The following RBPJ variants were observed in gnomAD, a reference collection of about 807,000 sequenced individuals.
The protein encoded by RBPJ is recombination signal binding protein for immunoglobulin kappa J region.
A neutral mutation model predicts 67.8 loss-of-function variants in RBPJ; 9 were observed. The observed-to-expected ratio is 0.13, with a 90% CI of 0.08 to 0.23. The LOEUF (loss-of-function observed/expected upper bound fraction) is 0.23. Ranked by LOEUF, RBPJ falls within the 10% of genes least tolerant of loss-of-function variation. RBPJ has a pLI of 1.00. For synonymous variants in RBPJ, 198 were observed against 203.3 expected (o/e 0.97, Z 0.22); for missense variants, 305 against 595.6 (o/e 0.51, Z 5.08).
chr4:26,193,060 G>A (rs1717625121), intron 1 of RBPJ, among the ~76,000 whole-genome samples: 2 of 152,168 alleles, frequency 1.3e-5, no homozygotes, highest in Non-Finnish European at 2.9e-5. Context: ...CATGAGCCAA[G>A]GAATTCAGGT....
chr4:26,278,354 A>G (rs1422906463), intron 1 of RBPJ, among the ~76,000 whole-genome samples: 2 of 152,234 alleles, frequency 1.3e-5, no homozygotes, highest in Non-Finnish European at 2.9e-5. Context: ...TTTGAAAAAC[A>G]GATATATATG....
chr4:26,172,769 C>T (rs1054932535), intron 1 of RBPJ, among the ~76,000 whole-genome samples: 15 of 152,182 alleles, frequency 9.9e-5, no homozygotes, highest in African/African-American at 3.6e-4. Flanking sequence ...TAGATAATTA[C>T]AATGATTCCC....
At chr4:26,242,109 C>T (rs1375827825) in intron 1 of RBPJ, among the ~76,000 whole-genome samples, 2 of 152,166 alleles carry the variant, frequency 1.3e-5, no homozygotes. Context: ...ATTAAGGTCC[C>T]TACACGCTGC....
At chr4:26,293,276 T>C (rs1469380217) in intron 1 of RBPJ, among the ~76,000 whole-genome samples, 3 of 150,142 alleles carry the variant, frequency 2.0e-5, no homozygotes, top group African/African-American at 7.4e-5. Context: ...ACTCACCCCA[T>C]CTCTTGCATC....
chr4:26,214,507 A>AG (rs1560213665), intron 1 of RBPJ, among the ~76,000 whole-genome samples: 2 of 61,686 alleles, frequency 3.2e-5, no homozygotes, highest in African/African-American at 1.4e-4. Context: ...GAGGGAGGGA[A>AG]GGAGGAAGGG....
intron 5 of RBPJ, among the ~76,000 whole-genome samples, chr4:26,422,165 T>C (rs946310676): frequency 6.6e-6 from 1 of 152,078 alleles, no homozygotes; most frequent in South Asian, 2.1e-4. Context: ...TGGTAAGATA[T>C]ACATTTATTT....
upstream of RBPJ, among the ~76,000 whole-genome samples, chr4:26,318,127 A>ACG (rs202151610): frequency 8.6e-5 from 13 of 150,774 alleles, no homozygotes; most frequent in African/African-American, 2.9e-4. Flanking sequence ...ACACACACAC[A>ACG]CGCACACACA....
intron 1 of RBPJ, among the ~76,000 whole-genome samples, chr4:26,300,536 T>C (rs1403270810): frequency 6.6e-6 from 1 of 152,232 alleles, no homozygotes; most frequent in Non-Finnish European, 1.5e-5. Context: ...AATGTACTAC[T>C]AAGCAAAAGG....
At chr4:26,319,853 G>C, upstream of RBPJ, 1 of 1,592,344 alleles carries the variant, frequency 6.3e-7, no homozygotes, top group African/African-American at 1.3e-5. Context: ...TCTAGGAAAG[G>C]AAAGAGCAAA....
intron 1 of RBPJ, among the ~76,000 whole-genome samples, chr4:26,185,781 CG>C (rs1473546202): frequency 3.3e-5 from 5 of 152,140 alleles, no homozygotes; most frequent in East Asian, 1.9e-4. Flanking sequence ...GGACTGGGGC[CG>C]GGCACGGTGG....
chr4:26,204,757 AG>A (rs1050039378), intron 1 of RBPJ, among the ~76,000 whole-genome samples: 1 of 152,200 alleles, frequency 6.6e-6, no homozygotes, highest in African/African-American at 2.4e-5. Context: ...AATGGTTATG[AG>A]GGTTCAGTAA....
At chr4:26,415,397 G>A (rs1371077051) in intron 3 of RBPJ, 78 bp from the exon 4 acceptor site, 1 of 1,232,546 alleles carries the variant, frequency 8.1e-7, no homozygotes, top group East Asian at 2.4e-5. Context: ...TATTCATAAT[G>A]TTCAAGGAAA....
At chr4:26,224,097 T>C (rs1227784432) in intron 1 of RBPJ, among the ~76,000 whole-genome samples, 1 of 152,230 alleles carries the variant, frequency 6.6e-6, no homozygotes, top group Non-Finnish European at 1.5e-5. Flanking sequence ...AGTATTGATA[T>C]TGGTTAATTG....
At chr4:26,215,402 G>GC (rs779927576) in intron 1 of RBPJ, among the ~76,000 whole-genome samples, 1 of 108,558 alleles carries the variant, frequency 9.2e-6, no homozygotes, top group African/African-American at 4.1e-5. Context: ...AGGAAGGAAG[G>GC]GGGGGGAAGG....
intron 1 of RBPJ, among the ~76,000 whole-genome samples, chr4:26,236,377 A>G (rs951686362): frequency 2.0e-5 from 3 of 152,212 alleles, no homozygotes; most frequent in Admixed American, 6.5e-5. Flanking sequence ...AGTCATCCCT[A>G]TAGTTCAGGA....
chr4:26,281,422 G>A (rs1721269456), intron 1 of RBPJ, among the ~76,000 whole-genome samples: 2 of 152,058 alleles, frequency 1.3e-5, no homozygotes, highest in South Asian at 4.2e-4. Context: ...GGGATTACAG[G>A]CACCCACCAC....
chr4:26,303,329 C>T (rs1384664117), intron 1 of RBPJ, among the ~76,000 whole-genome samples: 4 of 139,486 alleles, frequency 2.9e-5, no homozygotes, highest in African/African-American at 8.0e-5. Context: ...ATCTCAGAGC[C>T]GAGTGCAGTG....
intron 1 of RBPJ, chr4:26,272,878 T>C: frequency 3.7e-6 from 1 of 272,704 alleles, no homozygotes; most frequent in Non-Finnish European, 7.4e-6. Flanking sequence ...AGATTTGTGG[T>C]GTGAAACAGG....
chr4:26,132,850 G>T, the RBPJ span, among the ~76,000 whole-genome samples: 2 of 152,154 alleles, frequency 1.3e-5, no homozygotes, highest in African/African-American at 2.4e-5. Flanking sequence ...AGAGGGGGCA[G>T]GGTCCTTACC....
Sources: allele counts gnomAD v4.1 joint callset (sites outside exome capture counted in the v4.1 genomes callset), GRCh38; gene constraint gnomAD v4.1.1; transcripts MANE v1.5; gene names NCBI Gene and HGNC (gene_info 2026-07-23, HGNC 2026-07-21).